MUC5B: variants seen among roughly 807,000 people sequenced by gnomAD.
MUC5B encodes the protein mucin-5B.
In MUC5B, 116 loss-of-function variants were observed where a neutral mutation model predicts 376.9. The observed-to-expected ratio is 0.31, with a 90% confidence interval of 0.26 to 0.36. The LOEUF is 0.36. Among genes scored for constraint, MUC5B ranks in the 10% least tolerant of loss-of-function variants. MUC5B has a pLI of 1.00. For missense variants in MUC5B, 7,165 were observed against 7,769.9 expected (o/e 0.92, Z 2.93); for synonymous variants, 3,517 against 3,390.9 (o/e 1.04, Z -1.29).
chr11:1,261,553 C>A lies in MUC5B; in HGVS notation c.17234C>A (p.Pro5745His). 1 of 1,608,884 alleles carries A rather than the reference C, an allele frequency of 6.2e-7. No homozygotes were observed. ...TGCACGCCCTTCTGTGTCCCTGCGC[C>A]CATGGCTCCCCCACACACCCGTGGC... The part of the protein sequence containing the change: ...CGCTPFCVPA[P>H]MAPPHTRGFP... Residue 5745 changes from proline to histidine, a missense_variant, in exon 49 of 49, where the codon CCC becomes CAC. Physicochemically the swap from Pro to His is moderately conservative, Grantham distance 77 (BLOSUM62 -2). Transcript: ENST00000529681.
Position 1,242,059 on chromosome 11 carries a change from G to C in MUC5B, c.5179G>C (p.Ala1727Pro). The change falls in exon 31 of 49, where the codon GCT (alanine) becomes CCT (proline). Residue 1727 changes from alanine to proline, a missense_variant. Around this residue, in one of 31 missense-constraint regions of MUC5B, gnomAD observed 897 missense variants for 779.6 expected, o/e 1.15. Coordinates refer to ENST00000529681, the MANE Select transcript of MUC5B (RefSeq NM_002458.3). ...LAPTTMATSR[A>P]RPTGTASTAS... ...CCCAACAACAATGGCAACCTCCAGAGCTCGCCCGACAGGCACAGCCAGCAC... is the reference window on the plus strand; with the variant it reads ...CCCAACAACAATGGCAACCTCCAGACCTCGCCCGACAGGCACAGCCAGCAC... 1 of 1,599,852 alleles carries C rather than the reference G, an allele frequency of 6.3e-7. No individual in the cohort carries two copies. Among genetic ancestry groups the C allele is most frequent in the Non-Finnish European group, 8.5e-7 (1 of 1,173,966 alleles).
rs542903646 is a variant in MUC5B at position 1,233,089 on chromosome 11, C to T, written c.2142C>T (p.Gly714=). 3.7e-6 allele frequency: 6 copies of T among 1,607,704 alleles called. No individual in the cohort carries two copies. In the East Asian group the frequency reaches 1.3e-4, roughly 36 times the overall value. The part of the protein sequence containing the change: ...VVDACQPTCR[G]LSEADVTCSV... ...ATGCCTGCCAGCCCACTTGCCGCGG[C>T]CTGAGTGAGGCCGACGTCACCTGCA... The change falls in exon 18 of 49, where the codon GGC becomes GGT. Residue 714 remains glycine (G), a synonymous_variant. Coordinates refer to ENST00000529681, the MANE Select transcript of MUC5B (RefSeq NM_002458.3).
In MUC5B at chr11:1,245,737, T is replaced by C; in HGVS notation, c.8857T>C (p.Phe2953Leu). 6.2e-7 allele frequency: 1 copy of C among 1,609,784 alleles called. No homozygotes were observed. Among genetic ancestry groups the C allele is most frequent in the Non-Finnish European group, 8.5e-7 (1 of 1,179,308 alleles). ...VCRNREQVGKFKMCFNYEIRV... is the reference protein window; with the variant it reads ...VCRNREQVGKLKMCFNYEIRV... Reference sequence around the variant, plus strand: ...CAGGAACCGTGAGCAGGTGGGGAAGTTCAAGATGTGCTTCAACTATGAAAT... The same window carrying C: ...CAGGAACCGTGAGCAGGTGGGGAAGCTCAAGATGTGCTTCAACTATGAAAT... Residue 2953 changes from phenylalanine (F) to leucine (L), a missense_variant, in exon 31 of 49, where the codon TTC (phenylalanine) becomes CTC (leucine). Around this residue, in one of 31 missense-constraint regions of MUC5B, gnomAD observed 57 missense variants for 167.2 expected, o/e 0.34. Coordinates refer to ENST00000529681, the MANE Select transcript of MUC5B (RefSeq NM_002458.3).
chr11:1,249,018 G>C lies in MUC5B; in HGVS notation c.12138G>C (p.Thr4046=), dbSNP rs201356745. The C allele has an allele frequency of 7.0e-5, 113 of 1,608,570 alleles. No individual in the cohort carries two copies. The highest frequency in any genetic ancestry group is 8.8e-5 in the Non-Finnish European group (104 of 1,178,808). The change falls in exon 31 of 49, where the codon ACG becomes ACC. Residue 4046 remains threonine, a synonymous_variant. Transcript: ENST00000529681. The part of the protein sequence containing the change: ...LGTTHITEPS[T]GTSHTPAATT... ...CCACCCACATCACAGAGCCTTCCAC[G>C]GGGACTTCCCACACCCCAGCAGCAA...
intron 7 of MUC5B, 47 bp from the exon 8 acceptor site, chr11:1,228,517 C>G: frequency 6.9e-7 from 1 of 1,459,718 alleles, no homozygotes; most frequent in East Asian, 2.5e-5. Flanking sequence ...CCGTGGCAGC[C>G]CCCATGGATG....
chr11:1,230,131 C>T lies in MUC5B; in HGVS notation c.1347C>T (p.Tyr449=), dbSNP rs370487270. The change falls in exon 11 of 49, where the codon TAC becomes TAT. Residue 449 remains tyrosine, a synonymous_variant. Transcript: ENST00000529681. The stretch of plus-strand genomic sequence containing the variant: ...ACGACCTGCATGGTGACTGCAGCTA[C>T]GTTCTGTCCAAGGTCTGGGCTTGGG... ...KLYDLHGDCS[Y]VLSKKCADSS... 120 of 1,606,934 alleles carry T rather than the reference C, an allele frequency of 7.5e-5. No individual in the cohort carries two copies. Among genetic ancestry groups the T allele is most frequent in the Non-Finnish European group, 9.2e-5 (108 of 1,177,038 alleles).
At chr11:1,260,756 G>C in intron 48 of MUC5B, 28 bp downstream of exon 48, 1 of 1,543,914 alleles carries the variant, frequency 6.5e-7, no homozygotes. Flanking sequence ...CCTGTGCCAA[G>C]AGCACCTGCG....
Position 1,244,931 on chromosome 11 carries a change from G to C in MUC5B, c.8051G>C (p.Ser2684Thr). 1 of 1,586,502 alleles carries C rather than the reference G, an allele frequency of 6.3e-7. No individual in the cohort carries two copies. Among genetic ancestry groups the C allele is most frequent in the Non-Finnish European group, 8.6e-7 (1 of 1,167,442 alleles). ...MATPSSSTQT[S>T]GTPPSLTTTA... ...ACACCCTCCTCTAGCACACAGACCAGTGGTACTCCCCCATCACTGACCACC... is the reference window on the plus strand; with the variant it reads ...ACACCCTCCTCTAGCACACAGACCACTGGTACTCCCCCATCACTGACCACC... Residue 2684 changes from serine to threonine, a missense_variant, in exon 31 of 49, where the codon AGT (serine) becomes ACT (threonine). Coordinates refer to ENST00000529681, the MANE Select transcript of MUC5B (RefSeq NM_002458.3).
intron 9 of MUC5B, 143 bp downstream of exon 9, chr11:1,229,438 T>G: frequency 9.2e-7 from 1 of 1,088,934 alleles, no homozygotes; most frequent in Non-Finnish European, 1.3e-6. Context: ...GGGCACTGGC[T>G]GGGAGGGTGC....
intron 8 of MUC5B, 148 bp from the exon 9 acceptor site, chr11:1,229,022 C>G: frequency 1.0e-6 from 1 of 980,196 alleles, no homozygotes. Context: ...GAGCTGCCCA[C>G]GATGAGGGGC....
rs1283926625 is a variant in MUC5B, at chr11:1,258,999, G to A, written c.16651G>A (p.Asp5551Asn). 1.3e-6 allele frequency: 2 copies of A among 1,560,780 alleles called. No homozygotes were observed. The highest frequency in any genetic ancestry group is 1.7e-6 in the Non-Finnish European group (2 of 1,153,434). ...CCACATGTGTACCTGCCTCTCTGGG[G>A]ACACCCAGGACCCAACGGTGCAATG... is the stretch of plus-strand genomic sequence containing the variant. ...PCHMCTCLSG[D>N]TQDPTVQCQE... Residue 5551 changes from aspartate (D) to asparagine (N), a missense_variant, in exon 44 of 49, where the codon GAC (aspartate) becomes AAC (asparagine). Transcript: ENST00000529681. This position sits in a 1 kb window ranked among gnomAD's most constrained non-coding sequence, Gnocchi z 5.5.
At chr11:1,230,691 C>G (rs1160732273) in intron 12 of MUC5B, 91 bp downstream of exon 12, 1 of 1,218,870 alleles carries the variant, frequency 8.2e-7, no homozygotes, top group African/African-American at 1.5e-5. Flanking sequence ...CCTCCAGCCC[C>G]GAGGCCAGGT....
intron 44 of MUC5B, among the ~76,000 whole-genome samples, chr11:1,259,269 C>T (rs906246763): frequency 2.0e-5 from 3 of 149,980 alleles, no homozygotes; most frequent in African/African-American, 7.4e-5. Flanking sequence ...GCACCTGCCC[C>T]CAGGTGAGAC....
chr11:1,232,403 TG>T, intron 15 of MUC5B, 46 bp from the exon 16 acceptor site: 1 of 1,546,020 alleles, frequency 6.5e-7, no homozygotes. Flanking sequence ...GTCAGGGGTG[TG>T]GGCTTCGGGG....
intron 7 of MUC5B, 98 bp downstream of exon 7, chr11:1,227,879 G>C: frequency 1.6e-6 from 1 of 629,168 alleles, no homozygotes; most frequent in Non-Finnish European, 2.9e-6. Flanking sequence ...CTGGTGGAGA[G>C]ATGGTGCCAT....
intron 1 of MUC5B, among the ~76,000 whole-genome samples, chr11:1,223,942 T>A (rs1861819383): frequency 6.6e-6 from 1 of 151,918 alleles, no homozygotes. Flanking sequence ...AAGCTTGGGG[T>A]CTGGGCTGGG....
At chr11:1,232,820 G>T in intron 17 of MUC5B, 50 bp downstream of exon 17, 2 of 1,527,616 alleles carry the variant, frequency 1.3e-6, no homozygotes, top group East Asian at 4.7e-5. Flanking sequence ...GTGGGGGTGC[G>T]GGGGACCCTG....
At chr11:1,230,739 C>T (rs1398835973) in intron 12 of MUC5B, 139 bp downstream of exon 12, 1 of 913,554 alleles carries the variant, frequency 1.1e-6, no homozygotes, top group African/African-American at 1.7e-5. Flanking sequence ...CCCTCCAGCC[C>T]CCAGGTCAGG....
Position 1,227,023 on chromosome 11 carries a change from C to A in MUC5B, c.462-8C>A. 3 of 1,603,462 alleles carry A rather than the reference C, an allele frequency of 1.9e-6. No individual in the cohort carries two copies. In the Middle Eastern group the frequency reaches 5.5e-4, roughly 296 times the overall value. The stretch of plus-strand genomic sequence containing the variant: ...GGGGCCCAGGGAGAGACCCCGCTGT[C>A]TGCGCAGGGAGGAGCTGCCTTACAG... On this transcript the variant is annotated splice_polypyrimidine_tract_variant and splice_region_variant and intron_variant, in intron 4 of 48. Coordinates refer to ENST00000529681, the MANE Select transcript of MUC5B (RefSeq NM_002458.3).
Sources: allele counts gnomAD v4.1 joint callset (sites outside exome capture counted in the v4.1 genomes callset), GRCh38; gene constraint gnomAD v4.1.1; regional missense constraint gnomAD v4.1.1; non-coding constraint Gnocchi (gnomAD v3.1); transcripts MANE v1.5; gene names NCBI Gene and HGNC (gene_info 2026-07-23, HGNC 2026-07-21).